RBM44: variants seen among roughly 807,000 people sequenced by gnomAD.
RBM44 encodes the protein RNA binding motif protein 44.
In RBM44, 66 loss-of-function variants were observed where a neutral mutation model predicts 105.1. The observed-to-expected ratio is 0.63, with a 90% confidence interval of 0.52 to 0.77. The LOEUF is 0.77. Ranked by LOEUF, RBM44 falls within the 30% of genes least tolerant of loss-of-function variation. RBM44 has a pLI of 0.00. For missense variants in RBM44, 1,122 were observed against 1,207.8 expected (o/e 0.93, Z 1.05); for synonymous variants, 365 against 417.6 (o/e 0.87, Z 1.54).
intron 15 of RBM44, chr2:237,834,882 A>G (rs898030839): frequency 6.5e-6 from 1 of 152,756 alleles, no homozygotes; most frequent in African/African-American, 2.4e-5. Flanking sequence ...GGCTTCCCCT[A>G]AGCAAGAGAG....
intron 15 of RBM44, among the ~76,000 whole-genome samples, chr2:237,837,325 A>G (rs921640260): frequency 1.3e-5 from 2 of 152,190 alleles, no homozygotes; most frequent in African/African-American, 4.8e-5. Flanking sequence ...TCATAAGGTT[A>G]TAGCTGTCAT....
Position 237,824,409 on chromosome 2 carries a change from T to A in RBM44, c.2439T>A (p.Asp813Glu), listed in dbSNP as rs775482922. 3.7e-5 allele frequency: 59 copies of A among 1,612,238 alleles called. No homozygotes were observed. The highest frequency in any genetic ancestry group is 4.8e-5 in the Non-Finnish European group (57 of 1,178,972). ...NQVEQDTWNL[D>E]LTGEMKNVEP... ...TAGAACAAGACACATGGAATTTGGA[T>A]CTTACAGGAGGTTGGTTCTCAAGAA... The change falls in exon 10 of 16, where the codon GAT becomes GAA. Residue 813 changes from aspartate (D) to glutamate (E), a missense_variant. Asp to Glu is a conservative substitution (Grantham distance 45). Transcript: ENST00000316997.
At chr2:237,826,294 G>T (rs920681715) in intron 10 of RBM44, among the ~76,000 whole-genome samples, 1 of 152,104 alleles carries the variant, frequency 6.6e-6, no homozygotes, top group Non-Finnish European at 1.5e-5. Context: ...TATGGGATTT[G>T]CTAGTAATTT....
rs531586792 is a variant in RBM44, at chr2:237,816,383, TA to T, written c.74-607del. On this transcript the variant is annotated intron_variant, in intron 2 of 15. Coordinates refer to ENST00000316997, the MANE Select transcript of RBM44 (RefSeq NM_001080504.3). ...GCACTGGAGGCGCCCAAAGATTTATTAAATAAATTTATAAGAAAAAAGTTTC... is the reference window on the plus strand; with the variant it reads ...GCACTGGAGGCGCCCAAAGATTTATTAATAAATTTATAAGAAAAAAGTTTC... 8.1e-4 allele frequency among the ~76,000 whole-genome samples: 123 copies of T among 152,298 alleles called. 1 individual carries two copies. The highest frequency in any genetic ancestry group is 2.7e-3 in the African/African-American group (111 of 41,578).
At chr2:237,813,084 T>C (rs1345268777) in intron 1 of RBM44, among the ~76,000 whole-genome samples, 1 of 152,178 alleles carries the variant, frequency 6.6e-6, no homozygotes, top group Non-Finnish European at 1.5e-5. Flanking sequence ...CTTAGAACAT[T>C]TTTATCCCCC....
At position 237,803,884 on chromosome 2, in the gene RBM44, C is replaced by CT. The variant is rs566625793; in HGVS notation, c.-19+5035dup. Among the ~76,000 whole-genome samples the CT allele has an allele frequency of 0.037, 5,329 of 145,224 alleles. 125 individuals carry two copies. Among genetic ancestry groups the CT allele is most frequent in the African/African-American group, 0.066 (2,616 of 39,920 alleles). ...ACCATTTATTGAATATGCCTTAGAC[C>CT]TTTTTTTTTTTTCTTTTTTTTGAGA... On this transcript the variant is annotated intron_variant, in intron 1 of 15. Transcript: ENST00000316997. The surrounding 1 kb of genome is among the most constrained non-coding windows in gnomAD (Gnocchi z 4.2).
chr2:237,805,055 T>C, intron 1 of RBM44, among the ~76,000 whole-genome samples: 1 of 152,202 alleles, frequency 6.6e-6, no homozygotes, highest in Non-Finnish European at 1.5e-5. Context: ...GAAGTCAAAC[T>C]GTCTCTGCAG....
chr2:237,840,509 T>C (rs1017214269), intron 15 of RBM44, among the ~76,000 whole-genome samples: 3 of 152,060 alleles, frequency 2.0e-5, no homozygotes, highest in Non-Finnish European at 4.4e-5. Context: ...AGTAGGACAA[T>C]TACATTCTGG....
At chr2:237,814,081 G>A (rs1044816962) in intron 2 of RBM44, among the ~76,000 whole-genome samples, 3 of 152,076 alleles carry the variant, frequency 2.0e-5, no homozygotes, top group Non-Finnish European at 4.4e-5. Context: ...ATAAGAAATA[G>A]CAAGAGTCTA....
At chr2:237,820,630 A>G (rs2061776372) in intron 5 of RBM44, 1 of 275,856 alleles carries the variant, frequency 3.6e-6, no homozygotes, top group Non-Finnish European at 6.7e-6. Flanking sequence ...ACATGCTACC[A>G]CACGTTCTCT....
At chr2:237,800,041 CT>C (rs2061529727) in intron 1 of RBM44, among the ~76,000 whole-genome samples, 1 of 152,186 alleles carries the variant, frequency 6.6e-6, no homozygotes, top group Non-Finnish European at 1.5e-5. Context: ...TTGTGTTTAA[CT>C]TTCTGAGGAA....
At chr2:237,825,223 GTTGT>G (rs2061836229) in intron 10 of RBM44, among the ~76,000 whole-genome samples, 1 of 151,872 alleles carries the variant, frequency 6.6e-6, no homozygotes, top group African/African-American at 2.4e-5. Context: ...TTTTGTTGTT[GTTGT>G]TTGTTTGTTT....
At chr2:237,830,326 G>T (rs2061890964) in intron 13 of RBM44, among the ~76,000 whole-genome samples, 1 of 151,962 alleles carries the variant, frequency 6.6e-6, no homozygotes, top group Non-Finnish European at 1.5e-5. Context: ...ATTGAATTTT[G>T]ATTTTTTAAT....
intron 15 of RBM44, among the ~76,000 whole-genome samples, chr2:237,835,131 A>G (rs2061946338): frequency 6.6e-6 from 1 of 152,158 alleles, no homozygotes; most frequent in African/African-American, 2.4e-5. Flanking sequence ...CTTTGTTACT[A>G]TTGTAATTAT....
intron 4 of RBM44, among the ~76,000 whole-genome samples, chr2:237,819,391 T>A (rs368076393): frequency 2.0e-5 from 3 of 152,114 alleles, no homozygotes; most frequent in African/African-American, 7.2e-5. Context: ...CTCTTGTAAT[T>A]CAGAACACAG....
rs374253873 is a variant in RBM44 at position 237,821,367 on chromosome 2, G to A, written c.2119G>A (p.Val707Ile). Residue 707 changes from valine to isoleucine, a missense_variant and splice_region_variant, in exon 7 of 16, where the codon GTC becomes ATC. Coordinates refer to ENST00000316997, the MANE Select transcript of RBM44 (RefSeq NM_001080504.3). ...CCAGCTAATGAAAAAAGAAACACAT[G>A]TGTGAGTTATGGTTTCATTTGATTT... is the stretch of plus-strand genomic sequence containing the variant. Reference protein sequence around the residue: ...ASRLMKKETHVFSEADAEQDN... With the variant: ...ASRLMKKETHIFSEADAEQDN... The A allele has an allele frequency of 1.4e-5, 22 of 1,555,700 alleles. No individual in the cohort carries two copies. The African/African-American group carries it at 3.0e-4, about 21-fold the overall frequency.
rs757499443 is a variant in RBM44, at chr2:237,818,327, G to A, written c.1408G>A (p.Val470Ile). 11 of 1,611,758 alleles carry A rather than the reference G, an allele frequency of 6.8e-6. No individual in the cohort carries two copies. Among genetic ancestry groups the A allele is most frequent in the African/African-American group, 6.7e-5 (5 of 74,722 alleles). ...CTVTINQTVD[V>I]STDFRACFTT... ...AGTCACAATTAATCAGACAGTGGAC[G>A]TTAGCACTGATTTTAGGGCTTGTTT... The change falls in exon 3 of 16, where the codon GTT (valine) becomes ATT (isoleucine). Residue 470 changes from valine (V) to isoleucine (I), a missense_variant. Physicochemically the swap from Val to Ile is conservative, Grantham distance 29. This residue lies in a region of RBM44 where 918 missense variants were observed against 955.3 expected (regional missense o/e 0.96). Transcript: ENST00000316997. The surrounding 1 kb of genome is among the most constrained non-coding windows in gnomAD (Gnocchi z 4.6).
chr2:237,802,401 G>C (rs895634816), intron 1 of RBM44, among the ~76,000 whole-genome samples: 1 of 152,146 alleles, frequency 6.6e-6, no homozygotes, highest in Non-Finnish European at 1.5e-5. Flanking sequence ...AATGCCTGAT[G>C]ATCTGAGGTG....
Position 237,824,364 on chromosome 2 carries a change from A to G in RBM44, c.2394A>G (p.Ser798=), listed in dbSNP as rs1472791770. Residue 798 remains serine, a synonymous_variant, in exon 10 of 16, where the codon TCA becomes TCG. Coordinates refer to ENST00000316997, the MANE Select transcript of RBM44 (RefSeq NM_001080504.3). ...AGAGCCTGACAGGAGTTGACGTCTCAGGGACACAGGGAAATCAAGTAGAAC... is the reference window on the plus strand; with the variant it reads ...AGAGCCTGACAGGAGTTGACGTCTCGGGGACACAGGGAAATCAAGTAGAAC... ...AKESLTGVDV[S]GTQGNQVEQD... 1 of 1,612,936 alleles carries G rather than the reference A, an allele frequency of 6.2e-7. No individual in the cohort carries two copies. Among genetic ancestry groups the G allele is most frequent in the Admixed American group, 1.7e-5 (1 of 59,956 alleles).
Sources: gnomAD v4.1 joint callset for allele counts (sites outside exome capture counted in the v4.1 genomes callset) on GRCh38, gnomAD v4.1.1 for gene constraint, gnomAD v4.1.1 regional missense constraint, Gnocchi (gnomAD v3.1) non-coding constraint, MANE v1.5 for transcripts, NCBI Gene and HGNC (gene_info 2026-07-23, HGNC 2026-07-21) for gene names.